SLC17A5: variants seen among roughly 807,000 people sequenced by gnomAD.
The protein encoded by SLC17A5 is sialin.
Under a neutral mutation model 59.4 loss-of-function variants are expected in SLC17A5, and 47 were observed. That is an observed-to-expected ratio of 0.79 (90% CI 0.63 to 1.01). The LOEUF is 1.01. Among genes scored for constraint, SLC17A5 ranks in the 50% least tolerant of loss-of-function variants. The pLI, the probability that SLC17A5 is intolerant of heterozygous loss-of-function variation, is 0.00. For synonymous variants in SLC17A5, 202 were observed against 210.7 expected, an observed-to-expected ratio of 0.96 and a Z score of 0.36; for missense variants, 522 against 595.5, an observed-to-expected ratio of 0.88 and a Z score of 1.28.
At chr6:73,602,438 A>T (rs968719084) in intron 9 of SLC17A5, among the ~76,000 whole-genome samples, 10 of 133,160 alleles carry the variant, frequency 7.5e-5, no homozygotes, top group African/African-American at 3.0e-4. Context: ...TGATCAATAA[A>T]AAAAATAAAA....
At chr6:73,641,616 C>A in intron 3 of SLC17A5, 75 bp downstream of exon 3, 1 of 1,152,988 alleles carries the variant, frequency 8.7e-7, no homozygotes, top group South Asian at 1.5e-5. Context: ...ATATTCATAC[C>A]AAAGAATGAC....
chr6:73,595,497 A>G (rs1220036532), intron 10 of SLC17A5, among the ~76,000 whole-genome samples: 1 of 152,208 alleles, frequency 6.6e-6, no homozygotes, highest in African/African-American at 2.4e-5. Flanking sequence ...TATTCCATTT[A>G]TATAAAGCCC....
chr6:73,631,498 C>A (rs685491), intron 6 of SLC17A5, among the ~76,000 whole-genome samples: 23,714 of 151,708 alleles, frequency 0.16, 3,049 homozygotes, highest in African/African-American at 0.32. Context: ...AAGTCACCTA[C>A]TGCAAGTCTA....
intron 9 of SLC17A5, among the ~76,000 whole-genome samples, chr6:73,604,519 G>A (rs890994638): frequency 2.0e-5 from 3 of 152,136 alleles, no homozygotes; most frequent in Non-Finnish European, 4.4e-5. Flanking sequence ...TGAGGTGGGA[G>A]AATTGCTTGA....
At chr6:73,606,447 C>T (rs562574549) in intron 9 of SLC17A5, among the ~76,000 whole-genome samples, 2 of 152,334 alleles carry the variant, frequency 1.3e-5, no homozygotes, top group East Asian at 3.9e-4. Flanking sequence ...CCAACTGCTA[C>T]AACTATTTGC....
Position 73,635,371 on chromosome 6 carries a change from A to G in SLC17A5, c.819+11T>C. 1 of 1,385,396 alleles carries G rather than the reference A, an allele frequency of 7.2e-7. No homozygotes were observed. The highest frequency in any genetic ancestry group is 1.2e-5 in the South Asian group (1 of 84,406). The allele number at this position is 1,385,396 out of a possible 1,614,324, so 85.8% of individuals were successfully genotyped here. A position where few individuals can be genotyped will look rare whatever the true frequency, so the allele number is the denominator to read the frequency against. On this transcript the variant is annotated intron_variant, in intron 6 of 10. Coordinates refer to ENST00000355773, the MANE Select transcript of SLC17A5 (RefSeq NM_012434.5). ...TCTGACATTATTTTTAAAATGTGTC[A>G]AAGTCCATACCTGATTTCTTAATGA... is the stretch of plus-strand genomic sequence containing the variant.
intron 2 of SLC17A5, among the ~76,000 whole-genome samples, chr6:73,642,640 T>C (rs577557603): frequency 1.3e-5 from 2 of 152,336 alleles, no homozygotes; most frequent in South Asian, 2.1e-4. Flanking sequence ...TTTTCATTAG[T>C]AACAGCACAC....
intron 7 of SLC17A5, among the ~76,000 whole-genome samples, chr6:73,616,899 G>A (rs546456916): frequency 2.6e-5 from 4 of 151,966 alleles, no homozygotes; most frequent in Non-Finnish European, 5.9e-5. Flanking sequence ...GAGCCACCGC[G>A]CCTGGCCTCT....
chr6:73,630,643 T>G (rs530270559), intron 6 of SLC17A5, among the ~76,000 whole-genome samples: 1 of 152,242 alleles, frequency 6.6e-6, no homozygotes, highest in East Asian at 1.9e-4. Flanking sequence ...TCCTGCTGTT[T>G]TTTGCCTTTA....
rs1475055998 is a variant in SLC17A5, at chr6:73,653,871, G to T, written c.16C>A (p.Arg6=). MRSPV[R]DLARNDGEES... The stretch of plus-strand genomic sequence containing the variant: ...TCGCCATCGTTCCGGGCCAGGTCTC[G>T]AACCGGAGACCTCATGACGCCTACG... The change falls in exon 1 of 11, where the codon CGA becomes AGA. Residue 6 remains arginine, a synonymous_variant. Transcript: ENST00000355773. The T allele has an allele frequency of 6.8e-6, 11 of 1,606,792 alleles. No individual in the cohort carries two copies. In the South Asian group the frequency reaches 1.1e-4, roughly 16 times the overall value.
chr6:73,607,870 G>A (rs1356543033), intron 9 of SLC17A5, among the ~76,000 whole-genome samples: 6 of 149,674 alleles, frequency 4.0e-5, no homozygotes, highest in Admixed American at 2.0e-4. Flanking sequence ...TCTGCCTCCC[G>A]GGTTCAAGCG....
At chr6:73,635,637 A>T in intron 5 of SLC17A5, 137 bp from the exon 6 acceptor site, 2 of 588,640 alleles carry the variant, frequency 3.4e-6, no homozygotes, top group Non-Finnish European at 6.0e-6. Context: ...TATAAATTCA[A>T]TGTAAAACTG....
At chr6:73,598,377 T>A (rs1419961942) in intron 10 of SLC17A5, among the ~76,000 whole-genome samples, 1 of 152,212 alleles carries the variant, frequency 6.6e-6, no homozygotes, top group Non-Finnish European at 1.5e-5. Flanking sequence ...ATGCCTGATA[T>A]CCCAGCACTT....
chr6:73,651,460 C>CAAAAAAAAAA (rs538079302), intron 1 of SLC17A5, among the ~76,000 whole-genome samples: 38 of 29,872 alleles, frequency 1.3e-3, no homozygotes, highest in Admixed American at 4.5e-3. Context: ...AACTCCGTCT[C>CAAAAAAAAAA]AAAAAAAAAA....
At chr6:73,598,779 G>A (rs958060242) in intron 10 of SLC17A5, among the ~76,000 whole-genome samples, 4 of 151,872 alleles carry the variant, frequency 2.6e-5, no homozygotes, top group African/African-American at 9.7e-5. Context: ...GATCACCTGA[G>A]TTCCAAACCA....
chr6:73,609,799 G>A (rs13211453), intron 9 of SLC17A5, among the ~76,000 whole-genome samples: 43,269 of 151,774 alleles, frequency 0.29, 6,526 homozygotes, highest in African/African-American at 0.33. Flanking sequence ...ATCCTGTTAA[G>A]AATTTAAAGT....
intron 8 of SLC17A5, among the ~76,000 whole-genome samples, chr6:73,614,326 AT>A (rs1401024819): frequency 6.6e-6 from 1 of 152,110 alleles, no homozygotes; most frequent in Admixed American, 6.6e-5. Context: ...TAATCCCAAC[AT>A]TTTGGGATGC....
chr6:73,602,774 CAAAAA>C (rs71000136), intron 9 of SLC17A5, among the ~76,000 whole-genome samples: 1 of 100,810 alleles, frequency 9.9e-6, no homozygotes. Flanking sequence ...GACTCCGTCT[CAAAAA>C]AAAAAAAAAA....
intron 9 of SLC17A5, among the ~76,000 whole-genome samples, chr6:73,603,235 G>A (rs1767232250): frequency 6.6e-6 from 1 of 151,898 alleles, no homozygotes; most frequent in Non-Finnish European, 1.5e-5. Context: ...AGGTTCAAGT[G>A]ATTCTTCTGC....
Sources: gnomAD v4.1 joint callset for allele counts (sites outside exome capture counted in the v4.1 genomes callset) on GRCh38, gnomAD v4.1.1 for gene constraint, MANE v1.5 for transcripts, NCBI Gene and HGNC (gene_info 2026-07-23, HGNC 2026-07-21) for gene names.